SHANK2: variants seen among roughly 807,000 people sequenced by gnomAD.
SHANK2 encodes the protein SH3 and multiple ankyrin repeat domains 2, also known as SH3 and multiple ankyrin repeat domains protein 2.
Under a neutral mutation model 133.7 loss-of-function variants are expected in SHANK2, and 43 were observed. The observed-to-expected ratio is 0.32, with a 90% CI of 0.25 to 0.41. The LOEUF is 0.41. Among genes scored for constraint, SHANK2 ranks in the 10% least tolerant of loss-of-function variants. The pLI is 1.00. For missense variants in SHANK2, 1,994 were observed against 2,235.8 expected, an observed-to-expected ratio of 0.89 and a Z score of 2.18; for synonymous variants, 1,017 against 952.8, an observed-to-expected ratio of 1.07 and a Z score of -1.24.
chr11:70,710,005 TG>T (rs1159318984), intron 14 of SHANK2, among the ~76,000 whole-genome samples: 1 of 152,100 alleles, frequency 6.6e-6, no homozygotes, highest in African/African-American at 2.4e-5. Flanking sequence ...TGAGATTCCC[TG>T]GCCGCTGGAC....
chr11:70,876,349 C>G (rs1196918737), intron 11 of SHANK2, among the ~76,000 whole-genome samples: 2 of 150,494 alleles, frequency 1.3e-5, no homozygotes, highest in Non-Finnish European at 2.9e-5. Context: ...ATCACGAGGT[C>G]AGGAGAGGAG....
chr11:71,116,765 A>G (rs1951987233), intron 4 of SHANK2, among the ~76,000 whole-genome samples: 1 of 152,074 alleles, frequency 6.6e-6, no homozygotes, highest in Admixed American at 6.6e-5. Context: ...TCCCTCCTGA[A>G]TGGCCTGGAG....
chr11:71,213,164 G>A (rs1375497604), intron 2 of SHANK2, among the ~76,000 whole-genome samples: 1 of 152,078 alleles, frequency 6.6e-6, no homozygotes, highest in Non-Finnish European at 1.5e-5. Context: ...AAGCAAAGGT[G>A]GAAAAGGAGA....
At chr11:70,783,694 C>G (rs926441448) in intron 14 of SHANK2, among the ~76,000 whole-genome samples, 1 of 151,574 alleles carries the variant, frequency 6.6e-6, no homozygotes, top group East Asian at 1.9e-4. Flanking sequence ...GAGGGGGCGT[C>G]TGGGTGGGGT....
intron 2 of SHANK2, among the ~76,000 whole-genome samples, chr11:71,214,086 G>T (rs2135701318): frequency 6.6e-6 from 1 of 152,202 alleles, no homozygotes; most frequent in South Asian, 2.1e-4. Context: ...ACCTGGCCTG[G>T]CCCTGCCTCT....
intron 17 of SHANK2, among the ~76,000 whole-genome samples, chr11:70,558,079 A>G (rs1170054635): frequency 4.6e-5 from 7 of 152,300 alleles, no homozygotes; most frequent in African/African-American, 1.4e-4. Flanking sequence ...CCCGGGGTCC[A>G]TGCTCTCTGG....
At chr11:70,797,993 A>G (rs1947954782) in intron 14 of SHANK2, among the ~76,000 whole-genome samples, 1 of 152,182 alleles carries the variant, frequency 6.6e-6, no homozygotes. Context: ...AGATGCTGGA[A>G]TGGCTTCCCG....
chr11:70,863,950 G>A (rs1555068498), intron 11 of SHANK2: 1 of 422,520 alleles, frequency 2.4e-6, no homozygotes, highest in Admixed American at 3.0e-5. Flanking sequence ...GAATGTTTCT[G>A]ATAAAACCAC....
intron 14 of SHANK2, among the ~76,000 whole-genome samples, chr11:70,715,003 C>T (rs1408882772): frequency 1.3e-5 from 2 of 150,852 alleles, no homozygotes; most frequent in Non-Finnish European, 2.9e-5. Flanking sequence ...GAGATGAGGT[C>T]TATGTTGCCC....
At chr11:71,178,507 T>G (rs80331723) in intron 2 of SHANK2, among the ~76,000 whole-genome samples, 2,062 of 152,168 alleles carry the variant, frequency 0.014, 59 homozygotes, top group East Asian at 0.088. Context: ...ATAGACAGAG[T>G]GGTGGTTACA....
chr11:70,813,952 A>G (rs1948331559), intron 12 of SHANK2, among the ~76,000 whole-genome samples: 1 of 152,110 alleles, frequency 6.6e-6, no homozygotes, highest in South Asian at 2.1e-4. Flanking sequence ...GGCTGCAATG[A>G]CTGCTTCAGG....
intron 11 of SHANK2, among the ~76,000 whole-genome samples, chr11:70,879,324 A>T (rs1212608924): frequency 6.6e-6 from 1 of 152,214 alleles, no homozygotes; most frequent in African/African-American, 2.4e-5. Flanking sequence ...CCTCTGTGCA[A>T]TTTAATTCTA....
intron 17 of SHANK2, among the ~76,000 whole-genome samples, chr11:70,636,436 C>A (rs1312890758): frequency 6.7e-6 from 1 of 150,192 alleles, no homozygotes; most frequent in African/African-American, 2.5e-5. Context: ...AGTGTGTGAG[C>A]ATATGAATAT....
At chr11:70,764,361 A>G (rs1947069554) in intron 14 of SHANK2, among the ~76,000 whole-genome samples, 1 of 147,938 alleles carries the variant, frequency 6.8e-6, no homozygotes. Flanking sequence ...TCACCCACCC[A>G]TCCATCCACA....
At position 70,487,836 on chromosome 11, in the gene SHANK2, T is replaced by C; in HGVS notation, c.2573-116A>G. ...TCACAAATTCAGATGATGAACCGGATGTTCAGGAAACACAGCACAAGCCAC... is the reference window on the plus strand; with the variant it reads ...TCACAAATTCAGATGATGAACCGGACGTTCAGGAAACACAGCACAAGCCAC... On this transcript the variant is annotated intron_variant, in intron 24 of 25. Coordinates refer to ENST00000601538, the MANE Select transcript of SHANK2 (RefSeq NM_012309.5). This position sits in a 1 kb window ranked among gnomAD's most constrained non-coding sequence, Gnocchi z 5.8. The C allele has an allele frequency of 6.5e-7, 1 of 1,541,870 alleles. No homozygotes were observed. Among genetic ancestry groups the C allele is most frequent in the Non-Finnish European group, 8.7e-7 (1 of 1,142,882 alleles).
chr11:70,857,583 G>T (rs1410367366), intron 11 of SHANK2, among the ~76,000 whole-genome samples: 1 of 152,070 alleles, frequency 6.6e-6, no homozygotes, highest in African/African-American at 2.4e-5. Context: ...AAGCCCTTGG[G>T]CAGTGCCCAA....
chr11:70,806,797 C>T (rs1012136968), intron 13 of SHANK2, among the ~76,000 whole-genome samples: 13 of 152,354 alleles, frequency 8.5e-5, no homozygotes, highest in Non-Finnish European at 5.9e-5. Flanking sequence ...ATCCCTGAGA[C>T]CCAGCACTGG....
intron 7 of SHANK2, among the ~76,000 whole-genome samples, chr11:71,093,877 G>A (rs781993680): frequency 5.9e-5 from 9 of 152,198 alleles, no homozygotes; most frequent in Non-Finnish European, 1.0e-4. Flanking sequence ...GCAGCGGCAC[G>A]TCCCATCCCT....
chr11:70,528,579 AG>A (rs1240792677), intron 17 of SHANK2, among the ~76,000 whole-genome samples: 1 of 151,982 alleles, frequency 6.6e-6, no homozygotes, highest in South Asian at 2.1e-4. Context: ...CTCCATGGGG[AG>A]GGGGGCTCCT....
Sources: allele counts gnomAD v4.1 joint callset (sites outside exome capture counted in the v4.1 genomes callset), GRCh38; gene constraint gnomAD v4.1.1; non-coding constraint Gnocchi (gnomAD v3.1); transcripts MANE v1.5; gene names NCBI Gene and HGNC (gene_info 2026-07-23, HGNC 2026-07-21).